Variants in BPTF observed in about 807,000 individuals in gnomAD.
The protein encoded by BPTF is bromodomain PHD finger transcription factor, also known as nucleosome-remodeling factor subunit BPTF.
In BPTF, 18 loss-of-function variants were observed where a neutral mutation model predicts 292.5. The observed-to-expected ratio is 0.06, with a 90% CI of 0.04 to 0.09. The LOEUF (loss-of-function observed/expected upper bound fraction) is 0.09, where lower values mean the gene tolerates loss of function less well. Among genes scored for constraint, BPTF ranks in the 10% least tolerant of loss-of-function variants. The pLI, the probability that BPTF is intolerant of heterozygous loss-of-function variation, is 1.00. For missense variants in BPTF, 2,726 were observed against 3,498.7 expected (o/e 0.78, Z 5.57); for synonymous variants, 1,225 against 1,251.9 (o/e 0.98, Z 0.45).
intron 3 of BPTF, among the ~76,000 whole-genome samples, chr17:67,867,819 T>C (rs534414309): frequency 6.6e-6 from 1 of 152,306 alleles, no homozygotes. Context: ...TTACCACTGA[T>C]GATGTTAACC....
intron 19 of BPTF, among the ~76,000 whole-genome samples, chr17:67,942,811 G>A (rs1568132449): frequency 6.6e-6 from 1 of 152,280 alleles, no homozygotes; most frequent in East Asian, 1.9e-4. Flanking sequence ...ACAGAACTAT[G>A]CAGATGATTC....
chr17:67,846,846 A>G (rs1355322200), intron 1 of BPTF, among the ~76,000 whole-genome samples: 1 of 152,086 alleles, frequency 6.6e-6, no homozygotes, highest in African/African-American at 2.4e-5. Context: ...GATTACAGGC[A>G]CACGTCACCA....
At chr17:67,937,789 A>T (rs1487034640) in intron 18 of BPTF, among the ~76,000 whole-genome samples, 4 of 152,146 alleles carry the variant, frequency 2.6e-5, no homozygotes, top group South Asian at 4.1e-4. Context: ...ACTGGAACTT[A>T]TCCCTCTTCC....
Position 67,979,169 on chromosome 17 carries a change from C to CAAAAAAAAAAAAAAAAAAAAA in BPTF, c.8727-3082_8727-3062dup, listed in dbSNP as rs11376410. Among the ~76,000 whole-genome samples the CAAAAAAAAAAAAAAAAAAAAA allele has an allele frequency of 4.3e-4, 31 of 72,566 alleles. 3 individuals carry two copies. Among genetic ancestry groups the CAAAAAAAAAAAAAAAAAAAAA allele is most frequent in the African/African-American group, 2.2e-3 (28 of 12,502 alleles). 47.6% of individuals were successfully genotyped at this position (72,566 alleles called of 152,430 possible). On this transcript the variant is annotated intron_variant, in intron 27 of 27. Transcript: ENST00000306378. The stretch of plus-strand genomic sequence containing the variant: ...TGGAAGACACAACAAGACCCTGTCT[C>CAAAAAAAAAAAAAAAAAAAAA]AAAAAAAAAAAAAAAAAAAAAGGCC...
At position 67,826,186 on chromosome 17, in the gene BPTF, G is replaced by C. The variant is rs2056006287; in HGVS notation, c.462G>C (p.Glu154Asp). 2 of 1,606,688 alleles carry C rather than the reference G, an allele frequency of 1.2e-6. No homozygotes were observed. Among genetic ancestry groups the C allele is most frequent in the South Asian group, 2.2e-5 (2 of 90,944 alleles). ...EEEEEDGDAE[E>D]TQDSEDDEED... ...AGGAGGAGGACGGCGACGCCGAGGA[G>C]ACCCAGGATTCTGAGGACGACGAGG... The change falls in exon 1 of 28, where the codon GAG becomes GAC. Residue 154 changes from glutamate (E) to aspartate (D), a missense_variant. Around this residue, in one of 22 missense-constraint regions of BPTF, gnomAD observed 153 missense variants for 178.3 expected, o/e 0.86. Coordinates refer to ENST00000306378, the MANE Select transcript of BPTF (RefSeq NM_182641.4).
At chr17:67,953,982 T>C (rs1217578709) in intron 23 of BPTF, among the ~76,000 whole-genome samples, 810 of 66,784 alleles carry the variant, frequency 0.012, 13 homozygotes, top group Non-Finnish European at 0.014. Context: ...TTTTTTTTTT[T>C]TTTTTTTTTT....
intron 11 of BPTF, among the ~76,000 whole-genome samples, chr17:67,914,008 T>C (rs2062823785): frequency 6.6e-6 from 1 of 152,192 alleles, no homozygotes; most frequent in South Asian, 2.1e-4. Flanking sequence ...CTTGTCTTTA[T>C]CTTTTCACCC....
intron 23 of BPTF, among the ~76,000 whole-genome samples, chr17:67,948,702 T>C (rs2065997185): frequency 6.6e-6 from 1 of 152,122 alleles, no homozygotes; most frequent in African/African-American, 2.4e-5. Flanking sequence ...ATAAGACAAA[T>C]TGCACCAGAA....
chr17:67,888,417 T>C (rs2146165141), intron 4 of BPTF, among the ~76,000 whole-genome samples: 2 of 151,924 alleles, frequency 1.3e-5, no homozygotes, highest in South Asian at 4.2e-4. Context: ...TGAAACCCTG[T>C]CTCTACTAAA....
intron 23 of BPTF, among the ~76,000 whole-genome samples, chr17:67,951,946 TC>T (rs1555678643): frequency 6.8e-6 from 1 of 146,458 alleles, no homozygotes; most frequent in African/African-American, 2.5e-5. Context: ...TTCCAGCTAC[TC>T]AGGAGGATCA....
chr17:67,866,306 T>A (rs2059388326), intron 2 of BPTF, among the ~76,000 whole-genome samples, 158 bp from the exon 3 acceptor site: 1 of 152,094 alleles, frequency 6.6e-6, no homozygotes, highest in African/African-American at 2.4e-5. Context: ...TTTCTCAGAG[T>A]AAATCAAGTT....
intron 1 of BPTF, among the ~76,000 whole-genome samples, chr17:67,828,516 A>C (rs2056332139): frequency 6.6e-6 from 1 of 152,112 alleles, no homozygotes. Context: ...TACTTTTGAT[A>C]CTTTTGTGAC....
chr17:67,941,427 T>A (rs1449489971), intron 19 of BPTF, among the ~76,000 whole-genome samples: 1 of 152,188 alleles, frequency 6.6e-6, no homozygotes, highest in Non-Finnish European at 1.5e-5. Context: ...CATTCCAGCC[T>A]GGGTGACAAA....
At chr17:67,879,459 A>G (rs919881035) in intron 4 of BPTF, among the ~76,000 whole-genome samples, 2 of 152,036 alleles carry the variant, frequency 1.3e-5, no homozygotes, top group African/African-American at 4.8e-5. Flanking sequence ...GTTATTTCTT[A>G]AATGTTTGCT....
intron 4 of BPTF, among the ~76,000 whole-genome samples, chr17:67,888,890 A>G (rs1047195609): frequency 6.6e-6 from 1 of 152,206 alleles, no homozygotes; most frequent in Non-Finnish European, 1.5e-5. Flanking sequence ...AAACAATCAT[A>G]TAACCCTATT....
At position 67,946,195 on chromosome 17, in the gene BPTF, G is replaced by A. The variant is rs1211657494; in HGVS notation, c.7487G>A (p.Ser2496Asn). 1.4e-5 allele frequency: 23 copies of A among 1,614,116 alleles called. No individual in the cohort carries two copies. The highest frequency in any genetic ancestry group is 1.9e-5 in the Non-Finnish European group (22 of 1,180,048). The change falls in exon 21 of 28, where the codon AGT (serine) becomes AAT (asparagine). Residue 2496 changes from serine to asparagine, a missense_variant. Physicochemically the swap from Ser to Asn is conservative, Grantham distance 46. This residue lies in a region of BPTF where 570 missense variants were observed against 633.5 expected (regional missense o/e 0.90). Transcript: ENST00000306378. Reference sequence around the variant, plus strand: ...AATGTGGTTACAGTGCAGGCAGCCAGTGTGCAAGAGCAGTTGCAAAGGGTT... The same window carrying A: ...AATGTGGTTACAGTGCAGGCAGCCAATGTGCAAGAGCAGTTGCAAAGGGTT... ...IQNVVTVQAA[S>N]VQEQLQRVQQ... is the part of the protein sequence containing the mutation.
intron 26 of BPTF, among the ~76,000 whole-genome samples, chr17:67,970,052 G>A (rs2068591829): frequency 6.6e-6 from 1 of 152,098 alleles, no homozygotes; most frequent in East Asian, 1.9e-4. Flanking sequence ...TGACCAACAT[G>A]GCGAAACCCT....
Position 67,945,509 on chromosome 17 carries a change from A to G in BPTF, c.6801A>G (p.Glu2267=). The G allele has an allele frequency of 6.2e-7, 1 of 1,614,124 alleles. No homozygotes were observed. Among genetic ancestry groups the G allele is most frequent in the South Asian group, 1.1e-5 (1 of 91,074 alleles). Residue 2267 remains glutamate, a synonymous_variant, in exon 21 of 28, where the codon GAA becomes GAG. Transcript: ENST00000306378. ...AGTCATCAAGTGTGGGTCCAGCAGA[A>G]GCCCAGCCACAGACTGCTCAGCCTT... ...PAQSSSVGPA[E]AQPQTAQPSA... is the part of the protein sequence containing the mutation.
intron 23 of BPTF, among the ~76,000 whole-genome samples, chr17:67,953,152 G>A (rs534861418): frequency 1.3e-5 from 2 of 151,802 alleles, no homozygotes; most frequent in African/African-American, 4.8e-5. Context: ...TAGTAGAGAC[G>A]GGGTTTCACC....
Sources: gnomAD v4.1 joint callset for allele counts (sites outside exome capture counted in the v4.1 genomes callset) on GRCh38, gnomAD v4.1.1 for gene constraint, gnomAD v4.1.1 regional missense constraint, MANE v1.5 for transcripts, NCBI Gene and HGNC (gene_info 2026-07-23, HGNC 2026-07-21) for gene names.